The following MED27 variants were observed in gnomAD, a reference collection of about 807,000 sequenced individuals.
MED27 encodes the protein mediator complex subunit 27.
MED27 carries 30 observed loss-of-function variants against 38.2 expected under a neutral mutation model. The observed-to-expected ratio is 0.79, with a 90% CI of 0.59 to 1.07. MED27 has a LOEUF of 1.07. MED27 is among the 50% of genes least tolerant of loss of function. The probability of loss-of-function intolerance (pLI) is 0.00; values close to 1 mark genes in which losing one functional copy is unlikely to be tolerated. For synonymous variants in MED27, 122 were observed against 153.5 expected (o/e 0.79, Z 1.52); for missense variants, 289 against 397.5 (o/e 0.73, Z 2.32).
At chr9:132,026,949 AGGACT>A (rs1832836117) in intron 2 of MED27, among the ~76,000 whole-genome samples, 1 of 152,274 alleles carries the variant, frequency 6.6e-6, no homozygotes, top group Non-Finnish European at 1.5e-5. Flanking sequence ...CGGCAGGGTC[AGGACT>A]GGTATCCGGG....
intron 4 of MED27, among the ~76,000 whole-genome samples, chr9:131,903,902 T>TTTTTC (rs1205050448): frequency 6.6e-6 from 1 of 150,838 alleles, no homozygotes; most frequent in Non-Finnish European, 1.5e-5. Flanking sequence ...TTTTTTTTTT[T>TTTTTC]TTTTTCTTTT....
At chr9:131,879,312 C>A (rs148071022) in intron 6 of MED27, among the ~76,000 whole-genome samples, 1 of 147,658 alleles carries the variant, frequency 6.8e-6, no homozygotes, top group Admixed American at 6.7e-5. Context: ...AGGGTGGGCA[C>A]GGGTGGGGGG....
intron 4 of MED27, among the ~76,000 whole-genome samples, chr9:131,935,960 C>T (rs192368398): frequency 6.6e-6 from 1 of 151,726 alleles, no homozygotes; most frequent in Admixed American, 6.6e-5. Flanking sequence ...GACCAGCCTG[C>T]CGTCTCTACA....
intron 2 of MED27, among the ~76,000 whole-genome samples, chr9:132,038,255 G>A (rs966948282): frequency 1.4e-5 from 2 of 146,126 alleles, no homozygotes; most frequent in South Asian, 2.2e-4. Flanking sequence ...GCAGTGGCGG[G>A]ATCTCGGCTC....
chr9:132,037,225 A>T (rs1173254602), intron 2 of MED27, among the ~76,000 whole-genome samples: 1 of 152,212 alleles, frequency 6.6e-6, no homozygotes, highest in Non-Finnish European at 1.5e-5. Flanking sequence ...CTGAAGTCAC[A>T]ACGCGAATAA....
intron 2 of MED27, among the ~76,000 whole-genome samples, chr9:132,049,959 C>A (rs760632621): frequency 6.6e-6 from 1 of 150,412 alleles, no homozygotes; most frequent in Non-Finnish European, 1.5e-5. Flanking sequence ...TTTTTTTTTT[C>A]CTCAAACCTA....
chr9:131,876,666 ACAGTC>A (rs1361595673), intron 6 of MED27, among the ~76,000 whole-genome samples: 1 of 151,986 alleles, frequency 6.6e-6, no homozygotes, highest in Non-Finnish European at 1.5e-5. Flanking sequence ...CCTGGTCAAT[ACAGTC>A]CAGCTGTCAG....
intron 2 of MED27, among the ~76,000 whole-genome samples, chr9:132,057,511 T>G (rs1051276043): frequency 1.3e-5 from 2 of 152,202 alleles, no homozygotes; most frequent in African/African-American, 4.8e-5. Flanking sequence ...GTCACATGCA[T>G]ATGGTGTTTA....
chr9:131,893,722 G>T (rs1839265610), intron 5 of MED27, among the ~76,000 whole-genome samples, 163 bp downstream of exon 5: 1 of 152,182 alleles, frequency 6.6e-6, no homozygotes, highest in African/African-American at 2.4e-5. Context: ...CAGAGAGAAT[G>T]AAATGTTTTT....
intron 2 of MED27, among the ~76,000 whole-genome samples, chr9:132,033,420 C>A (rs569269715): frequency 3.5e-4 from 53 of 152,300 alleles, no homozygotes; most frequent in Middle Eastern, 6.8e-3. Flanking sequence ...TTTGGATCTA[C>A]AATCATTTGA....
chr9:131,910,981 T>A (rs566188712), intron 4 of MED27, among the ~76,000 whole-genome samples: 1 of 152,340 alleles, frequency 6.6e-6, no homozygotes, highest in East Asian at 1.9e-4. Context: ...CATTATTTTT[T>A]AATGATGCCT....
intron 2 of MED27, among the ~76,000 whole-genome samples, chr9:132,062,106 T>C (rs567130697): frequency 6.6e-6 from 1 of 152,272 alleles, no homozygotes; most frequent in South Asian, 2.1e-4. Context: ...CTCTCAAAAA[T>C]ACGCCCAATT....
Position 132,003,078 on chromosome 9 carries a change from T to C in MED27, c.479+11259A>G, listed in dbSNP as rs935879549. ...TTAACAATCCTGAAGCTCTTTGTTA[T>C]GCAAAGAGAGATTTAAAAAAAAAAA... On this transcript the variant is annotated intron_variant, in intron 3 of 7. Coordinates refer to ENST00000292035, the MANE Select transcript of MED27 (RefSeq NM_004269.4). The surrounding 1 kb of genome is among the most constrained non-coding windows in gnomAD (Gnocchi z 4.2). 6.6e-6 allele frequency among the ~76,000 whole-genome samples: 1 copy of C among 151,978 alleles called. No homozygotes were observed. The highest frequency in any genetic ancestry group is 6.5e-5 in the Admixed American group (1 of 15,278).
In MED27 at chr9:132,048,730, G is replaced by A. The variant is rs148243347; in HGVS notation, c.348+28712C>T. On this transcript the variant is annotated intron_variant, in intron 2 of 7. Coordinates refer to ENST00000292035, the MANE Select transcript of MED27 (RefSeq NM_004269.4). ...CAACCCCACTCTGTGGCCACGGCCC[G>A]TCCTTCATCCGACACCTGCATCACG... is the stretch of plus-strand genomic sequence containing the variant. Among the ~76,000 whole-genome samples, 82 of 152,276 alleles carry A rather than the reference G, an allele frequency of 5.4e-4. No homozygotes were observed. The East Asian group carries it at 0.011, about 20-fold the overall frequency.
intron 2 of MED27, among the ~76,000 whole-genome samples, chr9:132,046,539 G>A (rs1352533207): frequency 6.6e-6 from 1 of 152,166 alleles, no homozygotes; most frequent in African/African-American, 2.4e-5. Flanking sequence ...CAGAATATAT[G>A]GAGCAGTTAT....
intron 2 of MED27, among the ~76,000 whole-genome samples, chr9:132,062,969 G>A (rs1337381221): frequency 6.6e-6 from 1 of 152,180 alleles, no homozygotes; most frequent in African/African-American, 2.4e-5. Flanking sequence ...CTTGCATTCT[G>A]AAAGGTCACT....
At chr9:132,028,951 G>A (rs886710194) in intron 2 of MED27, among the ~76,000 whole-genome samples, 3 of 152,134 alleles carry the variant, frequency 2.0e-5, no homozygotes, top group South Asian at 4.2e-4. Context: ...CAGATTCACC[G>A]GTAGCTTCAG....
chr9:131,911,453 T>C (rs947617664), intron 4 of MED27, among the ~76,000 whole-genome samples: 3 of 152,214 alleles, frequency 2.0e-5, no homozygotes, highest in African/African-American at 7.2e-5. Flanking sequence ...ATGTGTCAGC[T>C]GTCACTGGTT....
chr9:132,030,757 GC>G (rs1832942125), intron 2 of MED27, among the ~76,000 whole-genome samples: 1 of 152,208 alleles, frequency 6.6e-6, no homozygotes, highest in Non-Finnish European at 1.5e-5. Context: ...GGAGCCAGAG[GC>G]CTTCCTGTTG....
Sources: allele counts gnomAD v4.1 joint callset (sites outside exome capture counted in the v4.1 genomes callset), GRCh38; gene constraint gnomAD v4.1.1; non-coding constraint Gnocchi (gnomAD v3.1); transcripts MANE v1.5; gene names NCBI Gene and HGNC (gene_info 2026-07-23, HGNC 2026-07-21).